The following NELL1 variants were observed in gnomAD, a reference collection of about 807,000 sequenced individuals.
NELL1 encodes neural EGFL like 1, also known as protein kinase C-binding protein NELL1.
A neutral mutation model predicts 107.4 loss-of-function variants in NELL1; 76 were observed. That is an observed-to-expected ratio of 0.71 (90% CI 0.59 to 0.86). NELL1 has a LOEUF of 0.86. Among genes scored for constraint, NELL1 ranks in the 40% least tolerant of loss-of-function variants. The pLI is 0.00. For synonymous variants in NELL1, 353 were observed against 341.2 expected (o/e 1.03, Z -0.38); for missense variants, 1,024 against 1,005.5 (o/e 1.02, Z -0.25).
intron 16 of NELL1, among the ~76,000 whole-genome samples, chr11:21,535,383 A>G (rs1408895824): frequency 1.3e-5 from 2 of 152,144 alleles, no homozygotes; most frequent in Non-Finnish European, 2.9e-5. Context: ...TGAATTAGAA[A>G]GTGGGAATTT....
intron 4 of NELL1, among the ~76,000 whole-genome samples, chr11:20,873,116 T>G (rs1007915843): frequency 3.3e-5 from 5 of 152,176 alleles, no homozygotes; most frequent in African/African-American, 1.2e-4. Context: ...CACTAAATTA[T>G]CACCCATTTG....
intron 12 of NELL1, among the ~76,000 whole-genome samples, chr11:21,084,036 T>C (rs1300372987): frequency 2.6e-5 from 4 of 152,008 alleles, no homozygotes; most frequent in African/African-American, 9.7e-5. Flanking sequence ...CCCAGGGAGC[T>C]CTTGTGGATG....
intron 3 of NELL1, among the ~76,000 whole-genome samples, chr11:20,837,225 ATAAT>A (rs1263400980): frequency 6.6e-6 from 1 of 152,160 alleles, no homozygotes; most frequent in Non-Finnish European, 1.5e-5. Flanking sequence ...CAGAAAGTGA[ATAAT>A]TAATTAAGTA....
intron 4 of NELL1, among the ~76,000 whole-genome samples, chr11:20,863,633 C>T (rs997445091): frequency 1.3e-5 from 2 of 149,286 alleles, no homozygotes; most frequent in South Asian, 2.2e-4. Context: ...ACTGGGCAGC[C>T]GGGCAGAGGT....
At chr11:21,045,042 G>A (rs1275272802) in intron 12 of NELL1, among the ~76,000 whole-genome samples, 1 of 152,162 alleles carries the variant, frequency 6.6e-6, no homozygotes, top group Non-Finnish European at 1.5e-5. Flanking sequence ...AAAACAGATG[G>A]CCAAGGGAGT....
At chr11:21,165,336 A>T (rs769682556) in intron 13 of NELL1, among the ~76,000 whole-genome samples, 1 of 152,288 alleles carries the variant, frequency 6.6e-6, no homozygotes, top group South Asian at 2.1e-4. Context: ...AATACTCTAC[A>T]TGCTGATGAC....
At position 20,941,676 on chromosome 11, in the gene NELL1, G is replaced by C. The variant is rs190598449; in HGVS notation, c.1071+3817G>C. On this transcript the variant is annotated intron_variant, in intron 10 of 19. Transcript: ENST00000357134. Reference sequence around the variant, plus strand: ...CCTATTCCTTTTCTGCCTAACATTAGCTGGGACACACTAGTCAGAATAGCA... The same window carrying C: ...CCTATTCCTTTTCTGCCTAACATTACCTGGGACACACTAGTCAGAATAGCA... Among the ~76,000 whole-genome samples the C allele has an allele frequency of 2.9e-3, 447 of 152,280 alleles. 2 individuals carry two copies. Among genetic ancestry groups the C allele is most frequent in the African/African-American group, 1.0e-2 (414 of 41,540 alleles).
chr11:20,703,996 G>A (rs559993334), intron 2 of NELL1, among the ~76,000 whole-genome samples: 76 of 152,318 alleles, frequency 5.0e-4, no homozygotes, highest in Non-Finnish European at 7.6e-4. Context: ...TTGGGGTGGA[G>A]AGTTCTGTAG....
At chr11:20,918,295 T>A (rs780954242) in intron 6 of NELL1, 41 bp downstream of exon 6, 1 of 1,204,756 alleles carries the variant, frequency 8.3e-7, no homozygotes, top group Non-Finnish European at 1.2e-6. Flanking sequence ...TTATATAACT[T>A]GTTGATTGTA....
chr11:21,163,906 G>T (rs980332951), intron 13 of NELL1, among the ~76,000 whole-genome samples: 3 of 151,834 alleles, frequency 2.0e-5, no homozygotes, highest in African/African-American at 4.8e-5. Flanking sequence ...ATTTTGAGGG[G>T]GGTGGGTAAA....
intron 12 of NELL1, among the ~76,000 whole-genome samples, chr11:21,063,928 T>C (rs2134367005): frequency 6.6e-6 from 1 of 152,336 alleles, no homozygotes; most frequent in East Asian, 1.9e-4. Flanking sequence ...TGTGGTGTGA[T>C]TGGCAAACTG....
At chr11:20,811,269 C>G (rs180990868) in intron 3 of NELL1, among the ~76,000 whole-genome samples, 1 of 152,062 alleles carries the variant, frequency 6.6e-6, no homozygotes, top group Non-Finnish European at 1.5e-5. Flanking sequence ...TGTGTTTACT[C>G]AACACCTTTG....
intron 15 of NELL1, among the ~76,000 whole-genome samples, chr11:21,373,366 T>A (rs1166901015): frequency 1.3e-5 from 2 of 152,266 alleles, no homozygotes; most frequent in South Asian, 4.1e-4. Flanking sequence ...GCTAGATGCC[T>A]TGAGACTCAT....
At chr11:21,373,016 A>G (rs1352035294) in intron 15 of NELL1, among the ~76,000 whole-genome samples, 2 of 152,116 alleles carry the variant, frequency 1.3e-5, no homozygotes, top group African/African-American at 2.4e-5. Context: ...ATGGGTCCCT[A>G]TGTAAATATT....
At chr11:20,783,146 A>G (rs2280359) in intron 2 of NELL1, among the ~76,000 whole-genome samples, 43,762 of 152,022 alleles carry the variant, frequency 0.29, 7,132 homozygotes, top group African/African-American at 0.43. Context: ...CTAGGTACAA[A>G]GCAAGGACAG....
At chr11:20,982,583 T>C (rs1851771197) in intron 12 of NELL1, among the ~76,000 whole-genome samples, 2 of 152,200 alleles carry the variant, frequency 1.3e-5, no homozygotes, top group South Asian at 2.1e-4. Context: ...TGTAGTGAGA[T>C]ATAGGATGTT....
intron 12 of NELL1, among the ~76,000 whole-genome samples, chr11:21,100,317 C>A (rs61880819): frequency 9.2e-5 from 14 of 152,288 alleles, no homozygotes; most frequent in Admixed American, 8.5e-4. Flanking sequence ...CATGCTCGGC[C>A]TCCATTTTAG....
At chr11:21,437,715 G>GT (rs1457413609) in intron 15 of NELL1, among the ~76,000 whole-genome samples, 4 of 152,072 alleles carry the variant, frequency 2.6e-5, no homozygotes, top group Non-Finnish European at 5.9e-5. Context: ...TGATAAAATT[G>GT]TTTTTTATGC....
chr11:21,016,114 A>G (rs1852559224), intron 12 of NELL1, among the ~76,000 whole-genome samples: 1 of 152,076 alleles, frequency 6.6e-6, no homozygotes, highest in African/African-American at 2.4e-5. Context: ...ATAGCAGATA[A>G]CGAATATATC....
Sources: allele counts gnomAD v4.1 joint callset (sites outside exome capture counted in the v4.1 genomes callset), GRCh38; gene constraint gnomAD v4.1.1; transcripts MANE v1.5; gene names NCBI Gene and HGNC (gene_info 2026-07-23, HGNC 2026-07-21).